The following GRIA2 variants were observed in gnomAD, a reference collection of about 807,000 sequenced individuals.
GRIA2 encodes the protein glutamate ionotropic receptor AMPA type subunit 2.
In GRIA2, 14 loss-of-function variants were observed where a neutral mutation model predicts 97.3. That is an observed-to-expected ratio of 0.14 (90% CI 0.10 to 0.23). The LOEUF is 0.23. Among genes scored for constraint, GRIA2 ranks in the 10% least tolerant of loss-of-function variants. The pLI is 1.00. For missense variants in GRIA2, 558 were observed against 1,069.8 expected, an observed-to-expected ratio of 0.52 and a Z score of 6.67; for synonymous variants, 412 against 387.8, an observed-to-expected ratio of 1.06 and a Z score of -0.73.
At position 157,355,915 on chromosome 4, in the gene GRIA2, TA is replaced by T. The variant is rs373136040; in HGVS notation, c.2044-3979del. On this transcript the variant is annotated intron_variant, in intron 12 of 15. Coordinates refer to ENST00000264426, the MANE Select transcript of GRIA2 (RefSeq NM_001083619.3). ...TATTTATATATAAATATATATATAT[TA>T]ATATATTTATATATATTTATATATT... Among the ~76,000 whole-genome samples the T allele has an allele frequency of 1.3e-3, 59 of 44,852 alleles. 4 individuals are homozygous for T. Among genetic ancestry groups the T allele is most frequent in the South Asian group, 3.3e-3 (2 of 600 alleles). 29.4% of individuals were successfully genotyped at this position (44,852 alleles called of 152,430 possible).
intron 2 of GRIA2, among the ~76,000 whole-genome samples, chr4:157,294,308 G>A (rs1733241130): frequency 1.3e-5 from 2 of 151,682 alleles, no homozygotes; most frequent in South Asian, 4.2e-4. Flanking sequence ...ACTCTAAAAT[G>A]ATTATTTGGA....
intron 6 of GRIA2, among the ~76,000 whole-genome samples, chr4:157,322,560 A>G (rs1734625356): frequency 6.6e-6 from 1 of 152,186 alleles, no homozygotes; most frequent in African/African-American, 2.4e-5. Flanking sequence ...CAAGTAGTCA[A>G]TATTTCTGCT....
intron 1 of GRIA2, 72 bp from the exon 2 acceptor site, chr4:157,221,595 G>T (rs368665384): frequency 6.6e-7 from 1 of 1,503,976 alleles, no homozygotes; most frequent in Admixed American, 1.9e-5. Flanking sequence ...ATTTTTGGGC[G>T]CTAGCGCGCG....
chr4:157,229,106 C>T (rs558368966), intron 2 of GRIA2, among the ~76,000 whole-genome samples: 34 of 152,148 alleles, frequency 2.2e-4, no homozygotes, highest in African/African-American at 7.0e-4. Context: ...ATTATTTTTA[C>T]ATTTTAGATG....
At chr4:157,341,191 A>T in intron 11 of GRIA2, 73 bp from the exon 12 acceptor site, 1 of 962,508 alleles carries the variant, frequency 1.0e-6, no homozygotes, top group East Asian at 2.4e-5. Context: ...CAATATTTGC[A>T]TAATACTGCT....
rs541787296 is a variant in GRIA2 at position 157,249,149 on chromosome 4, A to G, written c.229+27342A>G. On this transcript the variant is annotated intron_variant, in intron 2 of 15. Transcript: ENST00000264426. ...CACGCCCAGCTCACAAATATTTTCA[A>G]TACCTCAAATGTGCTAGACGCAGTG... is the stretch of plus-strand genomic sequence containing the variant. 5.3e-5 allele frequency among the ~76,000 whole-genome samples: 8 copies of G among 152,250 alleles called. No individual in the cohort carries two copies. In the South Asian group the frequency reaches 1.2e-3, roughly 24 times the overall value.
intron 5 of GRIA2, among the ~76,000 whole-genome samples, chr4:157,319,984 A>G (rs1432822148): frequency 6.6e-6 from 1 of 152,150 alleles, no homozygotes; most frequent in East Asian, 1.9e-4. Flanking sequence ...TTCCAGCATT[A>G]AGAAAGGGGT....
intron 2 of GRIA2, among the ~76,000 whole-genome samples, chr4:157,283,532 AAC>A (rs1732703094): frequency 6.6e-6 from 1 of 151,982 alleles, no homozygotes; most frequent in African/African-American, 2.4e-5. Context: ...AATGAGCAAA[AAC>A]AATTTCTTCA....
chr4:157,327,067 A>T (rs1285816481), intron 6 of GRIA2, among the ~76,000 whole-genome samples: 1 of 152,208 alleles, frequency 6.6e-6, no homozygotes, highest in African/African-American at 2.4e-5. Flanking sequence ...TTCTTCATAA[A>T]TGAAATAATA....
chr4:157,250,924 A>G (rs1323882866), intron 2 of GRIA2, among the ~76,000 whole-genome samples: 3 of 152,050 alleles, frequency 2.0e-5, no homozygotes. Flanking sequence ...TTCTCCAGCT[A>G]TGCTTGCTTT....
At position 157,284,533 on chromosome 4, in the gene GRIA2, C is replaced by T. The variant is rs187392176; in HGVS notation, c.230-19019C>T. On this transcript the variant is annotated intron_variant, in intron 2 of 15. Transcript: ENST00000264426. The stretch of plus-strand genomic sequence containing the variant: ...TGATAATGCGGCACCCAGTTCAAGA[C>T]ATAAAACATTACCAATACAATTGAG... Among the ~76,000 whole-genome samples, 359 of 151,878 alleles carry T rather than the reference C, an allele frequency of 2.4e-3. 2 individuals are homozygous for T. The highest frequency in any genetic ancestry group is 8.3e-3 in the African/African-American group (345 of 41,502).
chr4:157,243,062 C>T (rs898336841), intron 2 of GRIA2, among the ~76,000 whole-genome samples: 1 of 152,014 alleles, frequency 6.6e-6, no homozygotes, highest in African/African-American at 2.4e-5. Flanking sequence ...CACTTGTTTA[C>T]AGTATGAAAG....
At chr4:157,229,432 A>G (rs1334299226) in intron 2 of GRIA2, among the ~76,000 whole-genome samples, 51 of 152,194 alleles carry the variant, frequency 3.4e-4, no homozygotes. Flanking sequence ...AAAAAAGCAC[A>G]ACAGAGTCTT....
chr4:157,251,518 G>A (rs935314334), intron 2 of GRIA2, among the ~76,000 whole-genome samples: 1 of 152,064 alleles, frequency 6.6e-6, no homozygotes, highest in African/African-American at 2.4e-5. Flanking sequence ...TCACTGAGGT[G>A]TTATCTTACT....
chr4:157,293,972 C>T (rs888581593), intron 2 of GRIA2, among the ~76,000 whole-genome samples: 5 of 152,148 alleles, frequency 3.3e-5, no homozygotes, highest in Admixed American at 6.6e-5. Context: ...TATGATTTTG[C>T]ATTATACTAT....
At chr4:157,362,248 A>G (rs1217403444) in intron 14 of GRIA2, among the ~76,000 whole-genome samples, 1 of 152,128 alleles carries the variant, frequency 6.6e-6, no homozygotes, top group Non-Finnish European at 1.5e-5. Context: ...AACCTTCACC[A>G]GCCAACATAT....
intron 3 of GRIA2, among the ~76,000 whole-genome samples, chr4:157,307,821 C>T (rs547984233): frequency 6.6e-6 from 1 of 152,292 alleles, no homozygotes; most frequent in East Asian, 1.9e-4. Flanking sequence ...GAAGGGAAGG[C>T]ACTTTGCCTG....
At chr4:157,221,310 C>A in intron 1 of GRIA2, 180 bp downstream of exon 1, 1 of 582,660 alleles carries the variant, frequency 1.7e-6, no homozygotes, top group Non-Finnish European at 3.0e-6. Context: ...AAGACTATGC[C>A]TTTGATACAA....
chr4:157,220,941 A>G lies in GRIA2; in HGVS notation c.-102A>G. 1 of 723,918 alleles carries G rather than the reference A, an allele frequency of 1.4e-6. No individual in the cohort carries two copies. Among genetic ancestry groups the G allele is most frequent in the Non-Finnish European group, 2.5e-6 (1 of 396,834 alleles). The allele number at this position is 723,918 out of a possible 1,614,324, so 44.8% of individuals were successfully genotyped here. A position where few individuals can be genotyped will look rare whatever the true frequency, so the allele number is the denominator to read the frequency against. On this transcript the variant is annotated 5_prime_UTR_variant, in exon 1 of 16. Transcript: ENST00000264426. ...AGCTTGGTGCTAAATTGCTGTCTCA[A>G]AATGCAGAGGATCTAATTTGCAGAG...
Sources: gnomAD v4.1 joint callset for allele counts (sites outside exome capture counted in the v4.1 genomes callset) on GRCh38, gnomAD v4.1.1 for gene constraint, MANE v1.5 for transcripts, NCBI Gene and HGNC (gene_info 2026-07-23, HGNC 2026-07-21) for gene names.